The following EGFL7 variants were observed in gnomAD, a reference collection of about 807,000 sequenced individuals.
EGFL7 encodes EGF like domain multiple 7, also known as epidermal growth factor-like protein 7.
EGFL7 carries 48 observed loss-of-function variants against 37.1 expected under a neutral mutation model. That is an observed-to-expected ratio of 1.29 (90% CI 1.03 to 1.65). The LOEUF is 1.65. Ranked by LOEUF, EGFL7 falls within the 40% of genes most tolerant of loss-of-function variation. The pLI is 0.00. For synonymous variants in EGFL7, 180 were observed against 156.8 expected, an observed-to-expected ratio of 1.15 and a Z score of -1.10; for missense variants, 384 against 378.9, an observed-to-expected ratio of 1.01 and a Z score of -0.11.
chr9:136,672,170 G>A, intron 10 of EGFL7, 82 bp downstream of exon 10: 1 of 1,599,522 alleles, frequency 6.3e-7, no homozygotes, highest in Non-Finnish European at 8.5e-7. Flanking sequence ...TTGGGGGTCG[G>A]GGGCGACCAA....
At chr9:136,670,497 T>G (rs1588246064) in intron 8 of EGFL7, 167 bp downstream of exon 8, 3 of 938,474 alleles carry the variant, frequency 3.2e-6, no homozygotes, top group Non-Finnish European at 5.1e-6. Context: ...TCCCGAGAAC[T>G]GGGGGCAGGT....
chr9:136,665,043 G>A (rs1254419313), intron 3 of EGFL7, among the ~76,000 whole-genome samples: 1 of 152,260 alleles, frequency 6.6e-6, no homozygotes, highest in Non-Finnish European at 1.5e-5. Context: ...GAGGTGACCA[G>A]CCCAGGGACC....
rs754836541 is a variant in EGFL7 at position 136,672,645 on chromosome 9, G to A, written c.*359G>A. On this transcript the variant is annotated 3_prime_UTR_variant, in exon 11 of 11. Coordinates refer to ENST00000308874, the MANE Select transcript of EGFL7 (RefSeq NM_016215.5). Reference sequence around the variant, plus strand: ...GGGTGGGGCCTCAGTGGGGGCTGCTGCCTGACCCCCAGCACAATAAAAATG... The same window carrying A: ...GGGTGGGGCCTCAGTGGGGGCTGCTACCTGACCCCCAGCACAATAAAAATG... The A allele has an allele frequency of 7.0e-6, 3 of 431,424 alleles. No homozygotes were observed. The highest frequency in any genetic ancestry group is 8.4e-6 in the Non-Finnish European group (2 of 236,998). The allele number at this position is 431,424 out of a possible 1,614,324, so 26.7% of individuals were successfully genotyped here.
chr9:136,661,839 G>A (rs1462440501), upstream of EGFL7, among the ~76,000 whole-genome samples: 2 of 152,288 alleles, frequency 1.3e-5, no homozygotes, highest in East Asian at 1.9e-4. Context: ...CACACTGACC[G>A]CCCAGGGCCA....
At chr9:136,668,432 G>T in intron 4 of EGFL7, 70 bp downstream of exon 4, 2 of 1,515,156 alleles carry the variant, frequency 1.3e-6, no homozygotes, top group Non-Finnish European at 1.8e-6. Context: ...CCTAGAGGCG[G>T]CCCTCAGCAC....
chr9:136,672,154 CCAG>C, intron 10 of EGFL7, 66 bp downstream of exon 10: 2 of 1,583,698 alleles, frequency 1.3e-6, no homozygotes, highest in Non-Finnish European at 1.7e-6. Flanking sequence ...GAGGGGCTAC[CCAG>C]GCTTGGGGGT....
intron 8 of EGFL7, 130 bp from the exon 9 acceptor site, chr9:136,670,820 C>T (rs1334610995): frequency 8.9e-6 from 8 of 898,588 alleles, no homozygotes; most frequent in Non-Finnish European, 1.2e-5. Flanking sequence ...CAGCGCCAGG[C>T]AGGCAGCGGG....
chr9:136,670,699 C>T (rs1284771521), intron 8 of EGFL7: 7 of 770,740 alleles, frequency 9.1e-6, no homozygotes, highest in East Asian at 7.4e-5. Context: ...GCATCGAAAA[C>T]GCCGCTGAGA....
At chr9:136,668,696 C>A in intron 5 of EGFL7, 23 bp downstream of exon 5, 2 of 1,574,494 alleles carry the variant, frequency 1.3e-6, no homozygotes, top group Non-Finnish European at 1.7e-6. Flanking sequence ...CCACACCGAG[C>A]TCACCCAGCC....
intron 3 of EGFL7, chr9:136,665,807 C>G (rs1290963212): frequency 1.4e-5 from 2 of 145,332 alleles, no homozygotes; most frequent in African/African-American, 2.5e-5. Context: ...GTGCGCGCCC[C>G]GGATCCGGCG....
intron 3 of EGFL7, among the ~76,000 whole-genome samples, chr9:136,667,086 G>A (rs970714671): frequency 1.3e-5 from 2 of 152,220 alleles, no homozygotes; most frequent in African/African-American, 4.8e-5. Context: ...GTGCCCGTGG[G>A]AAGCAGGTGT....
chr9:136,667,603 C>T lies in EGFL7; in HGVS notation c.-42-638C>T, dbSNP rs1845555634. Among the ~76,000 whole-genome samples the T allele has an allele frequency of 3.3e-5, 5 of 152,190 alleles. No individual in the cohort carries two copies. In the South Asian group the frequency reaches 1.0e-3, roughly 31 times the overall value. The stretch of plus-strand genomic sequence containing the variant: ...CCTGGCACAGCCACTGTCCCAGGAT[C>T]CCTGGAGGCTGATTGCACACATATC... On this transcript the variant is annotated intron_variant, in intron 3 of 10. Coordinates refer to ENST00000308874, the MANE Select transcript of EGFL7 (RefSeq NM_016215.5).
At chr9:136,660,927 G>A (rs892839589), upstream of EGFL7, among the ~76,000 whole-genome samples, 2 of 152,170 alleles carry the variant, frequency 1.3e-5, no homozygotes, top group African/African-American at 2.4e-5. Flanking sequence ...GAAAGGGCTG[G>A]ATCTAGCCCA....
At position 136,671,286 on chromosome 9, in the gene EGFL7, G is replaced by A. The variant is rs563148365; in HGVS notation, c.636+272G>A. Among the ~76,000 whole-genome samples, 309 of 90,566 alleles carry A rather than the reference G, an allele frequency of 3.4e-3. 14 individuals carry two copies. The highest frequency in any genetic ancestry group is 0.011 in the African/African-American group (304 of 27,154). The allele number at this position is 90,566 out of a possible 152,430, so 59.4% of individuals were successfully genotyped here. ...TGGAGGAGATGAGGCGTCGGGGGGGGAGGCAGGCAGTCCAGGGTGGACCTG... is the reference window on the plus strand; with the variant it reads ...TGGAGGAGATGAGGCGTCGGGGGGGAAGGCAGGCAGTCCAGGGTGGACCTG... On this transcript the variant is annotated intron_variant, in intron 9 of 10. Transcript: ENST00000308874.
At chr9:136,667,772 T>A (rs1845566308) in intron 3 of EGFL7, among the ~76,000 whole-genome samples, 2 of 152,282 alleles carry the variant, frequency 1.3e-5, no homozygotes, top group African/African-American at 4.8e-5. Flanking sequence ...AGAAATCAAA[T>A]TCCAGAAGGG....
upstream of EGFL7, among the ~76,000 whole-genome samples, chr9:136,662,060 C>A (rs919962079): frequency 2.0e-5 from 3 of 152,052 alleles, no homozygotes; most frequent in Non-Finnish European, 4.4e-5. Flanking sequence ...CTCCCACTGC[C>A]GTGTGAACAG....
At chr9:136,669,165 C>T (rs1845674369) in intron 5 of EGFL7, among the ~76,000 whole-genome samples, 1 of 152,244 alleles carries the variant, frequency 6.6e-6, no homozygotes. Flanking sequence ...CAGAGTCCTC[C>T]TTCCTGGGTG....
At position 136,666,057 on chromosome 9, in the gene EGFL7, C is replaced by A. The variant is rs1845452148; in HGVS notation, c.-43+1272C>A. ...CCAGCGGCCCCGGGAACCGGCTCCC[C>A]CTGCCGGCGGCGGGCGGGCGGGCGG... On this transcript the variant is annotated intron_variant, in intron 3 of 10. Coordinates refer to ENST00000308874, the MANE Select transcript of EGFL7 (RefSeq NM_016215.5). This position sits in a 1 kb window ranked among gnomAD's most constrained non-coding sequence, Gnocchi z 6.8. Among the ~76,000 whole-genome samples the A allele has an allele frequency of 6.9e-6, 1 of 145,950 alleles. No individual in the cohort carries two copies. Among genetic ancestry groups the A allele is most frequent in the African/African-American group, 2.5e-5 (1 of 40,694 alleles).
Position 136,669,708 on chromosome 9 carries a change from G to C in EGFL7, c.300G>C (p.Gly100=), listed in dbSNP as rs751015053. The change falls in exon 6 of 11, where the codon GGG becomes GGC. Residue 100 remains glycine (G), a synonymous_variant. Coordinates refer to ENST00000308874, the MANE Select transcript of EGFL7 (RefSeq NM_016215.5). The part of the protein sequence containing the change: ...PGWKRTSGLP[G]ACGAAICQPP... ...GGAAGAGGACCAGCGGGCTTCCTGG[G>C]GCCTGTGGAGCAGGTGAGGGCTATG... is the stretch of plus-strand genomic sequence containing the variant. 6.3e-7 allele frequency: 1 copy of C among 1,595,940 alleles called. No individual in the cohort carries two copies. Among genetic ancestry groups the C allele is most frequent in the South Asian group, 1.1e-5 (1 of 88,242 alleles).
Sources: gnomAD v4.1 joint callset for allele counts (sites outside exome capture counted in the v4.1 genomes callset) on GRCh38, gnomAD v4.1.1 for gene constraint, Gnocchi (gnomAD v3.1) non-coding constraint, MANE v1.5 for transcripts, NCBI Gene and HGNC (gene_info 2026-07-23, HGNC 2026-07-21) for gene names.